Variants in SPSB4 observed in about 807,000 individuals in gnomAD.
SPSB4 encodes splA/ryanodine receptor domain and SOCS box containing 4.
In SPSB4, 21 loss-of-function variants were observed where a neutral mutation model predicts 20.9. That is an observed-to-expected ratio of 1.01 (90% CI 0.71 to 1.45). SPSB4 has a LOEUF of 1.45. Ranked by LOEUF, SPSB4 falls within the 40% of genes most tolerant of loss-of-function variation. The probability of loss-of-function intolerance (pLI) is 0.00; values close to 1 mark genes in which losing one functional copy is unlikely to be tolerated. For synonymous variants in SPSB4, 207 were observed against 183.8 expected (o/e 1.13, Z -1.02); for missense variants, 399 against 399.2 (o/e 1.00, Z 0.00).
At chr3:141,116,207 T>C (rs142953800) in intron 2 of SPSB4, among the ~76,000 whole-genome samples, 55 of 152,334 alleles carry the variant, frequency 3.6e-4, no homozygotes, top group African/African-American at 1.1e-3. Flanking sequence ...GGGGGCTTGA[T>C]GGTGGTCGTT....
chr3:141,074,344 G>C (rs963046011), intron 2 of SPSB4, among the ~76,000 whole-genome samples: 10 of 152,094 alleles, frequency 6.6e-5, no homozygotes, highest in Admixed American at 6.5e-4. Flanking sequence ...CTGAAAAAGC[G>C]GTAGGTTTAA....
chr3:141,128,703 G>A (rs1173920637), intron 2 of SPSB4, among the ~76,000 whole-genome samples: 2 of 152,040 alleles, frequency 1.3e-5, no homozygotes, highest in Non-Finnish European at 1.5e-5. Flanking sequence ...AGGGTGTAGT[G>A]GAAGATTTGA....
At chr3:141,081,077 A>G (rs934665542) in intron 2 of SPSB4, among the ~76,000 whole-genome samples, 1 of 152,204 alleles carries the variant, frequency 6.6e-6, no homozygotes, top group Non-Finnish European at 1.5e-5. Context: ...TCTGAGATGG[A>G]GGGACTGGGC....
intron 2 of SPSB4, among the ~76,000 whole-genome samples, chr3:141,097,505 G>A (rs1049372019): frequency 8.5e-5 from 13 of 152,192 alleles, no homozygotes; most frequent in Admixed American, 2.6e-4. Context: ...TGATCCACCC[G>A]CCTCAGCCTC....
intron 1 of SPSB4, among the ~76,000 whole-genome samples, chr3:141,060,747 A>T (rs1030508094): frequency 3.3e-5 from 5 of 152,248 alleles, no homozygotes; most frequent in Admixed American, 1.3e-4. Flanking sequence ...TTAGCAATGT[A>T]TGAGTCTGTC....
intron 2 of SPSB4, among the ~76,000 whole-genome samples, chr3:141,143,849 A>C (rs985219578): frequency 2.6e-5 from 4 of 152,246 alleles, no homozygotes; most frequent in African/African-American, 9.6e-5. Context: ...TTTTAATTAC[A>C]TCTGAGAGTT....
intron 2 of SPSB4, among the ~76,000 whole-genome samples, chr3:141,139,742 C>T (rs907915678): frequency 6.6e-6 from 1 of 152,200 alleles, no homozygotes; most frequent in African/African-American, 2.4e-5. Context: ...TGGGTAACCC[C>T]ACCTTTCACT....
intron 2 of SPSB4, among the ~76,000 whole-genome samples, chr3:141,074,202 G>T (rs1938059104): frequency 6.6e-6 from 1 of 152,084 alleles, no homozygotes; most frequent in South Asian, 2.1e-4. Flanking sequence ...AATTAGCTGT[G>T]ACCCTGAACA....
At chr3:141,135,452 C>T (rs1445244225) in intron 2 of SPSB4, among the ~76,000 whole-genome samples, 1 of 151,848 alleles carries the variant, frequency 6.6e-6, no homozygotes, top group Non-Finnish European at 1.5e-5. Flanking sequence ...CCCATTAACT[C>T]ATCATTTAGC....
At chr3:141,113,635 G>A (rs1938839438) in intron 2 of SPSB4, among the ~76,000 whole-genome samples, 1 of 152,170 alleles carries the variant, frequency 6.6e-6, no homozygotes. Context: ...TAGAGACAGA[G>A]GGTAGATTAG....
chr3:141,068,975 C>A (rs747097217), intron 2 of SPSB4, among the ~76,000 whole-genome samples: 4 of 152,116 alleles, frequency 2.6e-5, no homozygotes, highest in African/African-American at 4.8e-5. Flanking sequence ...TTTGGTGGAA[C>A]TAAAATGTGA....
intron 2 of SPSB4, among the ~76,000 whole-genome samples, chr3:141,084,691 C>T (rs1938309066): frequency 6.6e-6 from 1 of 152,174 alleles, no homozygotes; most frequent in Non-Finnish European, 1.5e-5. Flanking sequence ...TTAACCTGGA[C>T]CAATAGACCA....
Position 141,066,699 on chromosome 3 carries a change from G to A in SPSB4, c.595G>A (p.Val199Met), listed in dbSNP as rs61734254. The stretch of plus-strand genomic sequence containing the variant: ...CATCGTGGATGGCCAGTACCTGGGC[G>A]TGGCCTTCCGAGGTCTCAAGGGCAA... ...SFIVDGQYLG[V>M]AFRGLKGKKL... The change falls in exon 2 of 3, where the codon GTG becomes ATG. Residue 199 changes from valine to methionine, a missense_variant. Physicochemically the swap from Val to Met is conservative, Grantham distance 21 (BLOSUM62 1). Transcript: ENST00000310546. 2.1e-4 allele frequency: 344 copies of A among 1,612,756 alleles called. 1 individual carries two copies. The highest frequency in any genetic ancestry group is 2.7e-4 in the Non-Finnish European group (319 of 1,179,508).
At chr3:141,106,945 A>G (rs974458860) in intron 2 of SPSB4, among the ~76,000 whole-genome samples, 5 of 152,142 alleles carry the variant, frequency 3.3e-5, no homozygotes, top group Non-Finnish European at 5.9e-5. Context: ...CAGGTCCCCA[A>G]ATGACTTCAA....
chr3:141,077,960 C>A (rs972326160), intron 2 of SPSB4, among the ~76,000 whole-genome samples: 31 of 152,256 alleles, frequency 2.0e-4, no homozygotes, highest in African/African-American at 7.2e-4. Context: ...TGGTCTCCCC[C>A]CATCTCCTCT....
intron 2 of SPSB4, among the ~76,000 whole-genome samples, chr3:141,099,708 T>C (rs1938588853): frequency 2.0e-5 from 3 of 152,240 alleles, no homozygotes; most frequent in South Asian, 2.1e-4. Flanking sequence ...AAGGGAATTT[T>C]TGTGGTGTGA....
intron 2 of SPSB4, among the ~76,000 whole-genome samples, chr3:141,092,581 C>T (rs1938475142): frequency 6.6e-6 from 1 of 152,214 alleles, no homozygotes; most frequent in Non-Finnish European, 1.5e-5. Flanking sequence ...GCAGCTGGGG[C>T]CTGCTCAGGC....
chr3:141,096,333 C>A (rs963701256), intron 2 of SPSB4, among the ~76,000 whole-genome samples: 2 of 152,218 alleles, frequency 1.3e-5, no homozygotes, highest in Non-Finnish European at 2.9e-5. Context: ...GTAGGACCCT[C>A]ACCTCCCATC....
At chr3:141,137,237 T>G (rs200293853) in intron 2 of SPSB4, among the ~76,000 whole-genome samples, 4 of 152,244 alleles carry the variant, frequency 2.6e-5, no homozygotes, top group Admixed American at 1.3e-4. Context: ...ACGGAGATTT[T>G]GGGCTGAGAT....
Sources: gnomAD v4.1 joint callset for allele counts (sites outside exome capture counted in the v4.1 genomes callset) on GRCh38, gnomAD v4.1.1 for gene constraint, MANE v1.5 for transcripts, NCBI Gene and HGNC (gene_info 2026-07-23, HGNC 2026-07-21) for gene names.